The following ZNF610 variants were observed in gnomAD, a reference collection of about 807,000 sequenced individuals.
ZNF610 encodes zink finger protein.
A neutral mutation model predicts 14.1 loss-of-function variants in ZNF610; 14 were observed. The ratio of observed to expected loss-of-function variants is 0.99; its 90% confidence interval spans 0.65 to 1.55. ZNF610 has a LOEUF of 1.55. ZNF610 is among the 40% of genes most tolerant of loss of function. ZNF610 has a pLI of 0.00. For synonymous variants in ZNF610, 185 were observed against 187.6 expected (o/e 0.99, Z 0.11); for missense variants, 530 against 558.0 (o/e 0.95, Z 0.51).
chr19:52,344,445 A>G (rs191325538), intron 1 of ZNF610, among the ~76,000 whole-genome samples: 1 of 151,976 alleles, frequency 6.6e-6, no homozygotes. Flanking sequence ...GACAGCAAGG[A>G]CCCAAGGGGA....
At position 52,354,395 on chromosome 19, in the gene ZNF610, G is replaced by A. The variant is rs111436354; in HGVS notation, c.319+16G>A. 3.7e-6 allele frequency: 6 copies of A among 1,612,622 alleles called. No homozygotes were observed. The African/African-American group carries it at 5.4e-5, about 14-fold the overall frequency. ...GTGAACACAGGTAAGAGCTCTGATG[G>A]GCAGTGTGGAGGCCATAGTTTTTAT... is the stretch of plus-strand genomic sequence containing the variant. On this transcript the variant is annotated intron_variant, in intron 5 of 5. Transcript: ENST00000403906.
At chr19:52,364,190 ACAT>A (rs1236609245) in intron 5 of ZNF610, among the ~76,000 whole-genome samples, 1 of 152,212 alleles carries the variant, frequency 6.6e-6, no homozygotes, top group Non-Finnish European at 1.5e-5. Context: ...TCCCATTAAC[ACAT>A]TTTAGTGCTT....
chr19:52,338,723 G>A (rs1008828699), intron 1 of ZNF610, among the ~76,000 whole-genome samples: 3 of 151,994 alleles, frequency 2.0e-5, no homozygotes, highest in Non-Finnish European at 4.4e-5. Context: ...TCTTTGAGAC[G>A]GAGTTTCGGT....
In ZNF610 at chr19:52,355,320, G is replaced by A. The variant is rs114847985; in HGVS notation, c.319+941G>A. On this transcript the variant is annotated intron_variant, in intron 5 of 5. Transcript: ENST00000403906. Reference sequence around the variant, plus strand: ...TAATGGGAAGATGTAATCAGGAAATGAGAGAACATGAGCTACTCTTTTTTG... The same window carrying A: ...TAATGGGAAGATGTAATCAGGAAATAAGAGAACATGAGCTACTCTTTTTTG... Among the ~76,000 whole-genome samples the A allele has an allele frequency of 7.3e-3, 1,114 of 152,312 alleles. 9 individuals are homozygous for A. Among genetic ancestry groups the A allele is most frequent in the African/African-American group, 0.025 (1,039 of 41,568 alleles).
chr19:52,353,965 G>A (rs894181092), intron 4 of ZNF610, among the ~76,000 whole-genome samples, 157 bp downstream of exon 4: 2 of 152,168 alleles, frequency 1.3e-5, no homozygotes, highest in South Asian at 4.1e-4. Flanking sequence ...GATTTGAAAT[G>A]CGTCCTTTCT....
At chr19:52,362,638 G>T (rs926330030) in intron 5 of ZNF610, among the ~76,000 whole-genome samples, 2 of 152,118 alleles carry the variant, frequency 1.3e-5, no homozygotes, top group Non-Finnish European at 1.5e-5. Flanking sequence ...TTTCTATCAA[G>T]ATATTTTAAA....
intron 5 of ZNF610, among the ~76,000 whole-genome samples, chr19:52,358,729 A>C (rs1414824217): frequency 6.6e-6 from 1 of 152,148 alleles, no homozygotes; most frequent in African/African-American, 2.4e-5. Flanking sequence ...GCATTATTGA[A>C]TCCAACGTTA....
chr19:52,344,680 C>G (rs1174429139), intron 1 of ZNF610, among the ~76,000 whole-genome samples: 2 of 152,186 alleles, frequency 1.3e-5, no homozygotes, highest in Non-Finnish European at 1.5e-5. Flanking sequence ...TCCAGATCCT[C>G]GAGTTTAACC....
chr19:52,352,983 G>A (rs960507468), intron 3 of ZNF610, among the ~76,000 whole-genome samples: 2 of 152,064 alleles, frequency 1.3e-5, no homozygotes, highest in Non-Finnish European at 2.9e-5. Context: ...TTGTCGCCCA[G>A]GCTGGAGTGC....
intron 1 of ZNF610, among the ~76,000 whole-genome samples, chr19:52,340,534 A>G (rs1984637336): frequency 6.6e-6 from 1 of 152,146 alleles, no homozygotes; most frequent in South Asian, 2.1e-4. Flanking sequence ...TGTCTACTCA[A>G]TAGTGATGGA....
At chr19:52,349,063 C>T in intron 2 of ZNF610, 91 bp from the exon 3 acceptor site, 1 of 858,392 alleles carries the variant, frequency 1.2e-6, no homozygotes. Flanking sequence ...CATCTTTCCG[C>T]AGGATTAGGT....
rs575640861 is a variant in ZNF610 at position 52,360,223 on chromosome 19, G to A, written c.320-5475G>A. 4.6e-5 allele frequency among the ~76,000 whole-genome samples: 7 copies of A among 152,342 alleles called. No homozygotes were observed. The East Asian group carries it at 1.4e-3, about 29-fold the overall frequency. ...ATGGGAGATTAGAGTTCTGCCTTGAGGCAGGTGAATGGAGGGCAGGAAAAG... is the reference window on the plus strand; with the variant it reads ...ATGGGAGATTAGAGTTCTGCCTTGAAGCAGGTGAATGGAGGGCAGGAAAAG... On this transcript the variant is annotated intron_variant, in intron 5 of 5. Transcript: ENST00000403906.
chr19:52,362,121 G>A (rs1314201129), intron 5 of ZNF610, among the ~76,000 whole-genome samples: 3 of 152,198 alleles, frequency 2.0e-5, no homozygotes, highest in African/African-American at 4.8e-5. Context: ...TATGGCTCAC[G>A]CCTGTGGGAA....
chr19:52,351,604 A>T (rs796868877), intron 3 of ZNF610, among the ~76,000 whole-genome samples: 2 of 151,348 alleles, frequency 1.3e-5, no homozygotes, highest in African/African-American at 4.9e-5. Flanking sequence ...TTTGCTTGTC[A>T]CCTCCTCACT....
rs1986131636 is a variant in ZNF610 at position 52,366,981 on chromosome 19, A to C, written c.*214A>C. The C allele has an allele frequency of 4.0e-6, 2 of 497,862 alleles. No homozygotes were observed. The highest frequency in any genetic ancestry group is 8.6e-5 in the South Asian group (2 of 23,186). 30.8% of individuals were successfully genotyped at this position (497,862 alleles called of 1,614,324 possible). ...AAAGAGAGAACAGTTATATCAGAAT[A>C]GAGCATTTAATGAAAACTACCAGTA... On this transcript the variant is annotated 3_prime_UTR_variant, in exon 6 of 6. Transcript: ENST00000403906.
chr19:52,333,953 A>T (rs1041097370), upstream of ZNF610, among the ~76,000 whole-genome samples: 3 of 152,156 alleles, frequency 2.0e-5, no homozygotes, highest in Non-Finnish European at 2.9e-5. Context: ...TGCCAGATTA[A>T]ACTCCATAAA....
Position 52,366,632 on chromosome 19 carries a change from T to C in ZNF610, c.1254T>C (p.His418=), listed in dbSNP as rs1227337525. 1 of 1,614,064 alleles carries C rather than the reference T, an allele frequency of 6.2e-7. No individual in the cohort carries two copies. Among genetic ancestry groups the C allele is most frequent in the African/African-American group, 1.3e-5 (1 of 74,926 alleles). ...GGCGCAAATTATACCTAACCAACCA[T>C]CAGAGAATTCATACTGGAGAGAGAC... ...VFGRKLYLTN[H]QRIHTGERPY... is the part of the protein sequence containing the mutation. The change falls in exon 6 of 6, where the codon CAT becomes CAC. Residue 418 remains histidine, a synonymous_variant. Transcript: ENST00000403906.
chr19:52,334,375 T>C (rs1600226717), upstream of ZNF610, among the ~76,000 whole-genome samples: 1 of 152,198 alleles, frequency 6.6e-6, no homozygotes, highest in South Asian at 2.1e-4. Context: ...TAGCCAGGCA[T>C]GGTGGCACGT....
intron 1 of ZNF610, among the ~76,000 whole-genome samples, chr19:52,346,656 C>A (rs1984973433): frequency 6.6e-6 from 1 of 152,168 alleles, no homozygotes; most frequent in Non-Finnish European, 1.5e-5. Context: ...CTCACAAGAA[C>A]ATTTAGGAAG....
Sources: allele counts gnomAD v4.1 joint callset (sites outside exome capture counted in the v4.1 genomes callset), GRCh38; gene constraint gnomAD v4.1.1; transcripts MANE v1.5; gene names NCBI Gene and HGNC (gene_info 2026-07-23, HGNC 2026-07-21).